Variants in AMBRA1 observed in about 807,000 individuals in gnomAD.
The protein encoded by AMBRA1 is autophagy and beclin 1 regulator 1.
AMBRA1 carries 47 observed loss-of-function variants against 125.4 expected under a neutral mutation model. The observed-to-expected ratio is 0.37, with a 90% CI of 0.30 to 0.48. The LOEUF is 0.48. Ranked by LOEUF, AMBRA1 falls within the 20% of genes least tolerant of loss-of-function variation. The pLI is 0.99. For missense variants in AMBRA1, 1,331 were observed against 1,693.4 expected (o/e 0.79, Z 3.76); for synonymous variants, 626 against 655.5 (o/e 0.95, Z 0.69).
chr11:46,495,452 G>C (rs1950596899), intron 9 of AMBRA1: 1 of 152,198 alleles, frequency 6.6e-6, no homozygotes, highest in African/African-American at 2.4e-5. Flanking sequence ...ATCAATACCA[G>C]GGATATTGGA....
At chr11:46,442,617 G>A (rs1034953656) in intron 12 of AMBRA1, among the ~76,000 whole-genome samples, 1 of 152,112 alleles carries the variant, frequency 6.6e-6, no homozygotes, top group Non-Finnish European at 1.5e-5. Flanking sequence ...GATTCCAATA[G>A]AACAACTGGG....
At chr11:46,429,800 A>G (rs1947364459) in intron 14 of AMBRA1, among the ~76,000 whole-genome samples, 1 of 152,192 alleles carries the variant, frequency 6.6e-6, no homozygotes, top group Admixed American at 6.5e-5. Context: ...GAGGGAACAC[A>G]GGCAGTTTAG....
intron 17 of AMBRA1, among the ~76,000 whole-genome samples, chr11:46,398,536 G>A (rs1945565331): frequency 6.6e-6 from 1 of 152,202 alleles, no homozygotes; most frequent in Non-Finnish European, 1.5e-5. Context: ...CCAGGCTGGA[G>A]TGCAGTGGTG....
chr11:46,495,642 G>A (rs1279915713), intron 9 of AMBRA1: 1 of 152,230 alleles, frequency 6.6e-6, no homozygotes, highest in Non-Finnish European at 1.5e-5. Context: ...GGAATCAGGA[G>A]TTCCTGACCA....
intron 1 of AMBRA1, among the ~76,000 whole-genome samples, chr11:46,578,381 G>C (rs1408809113): frequency 1.3e-5 from 2 of 151,902 alleles, no homozygotes; most frequent in Non-Finnish European, 2.9e-5. Context: ...CAGCTACTTG[G>C]GAGGCTGAGG....
At chr11:46,562,649 T>C (rs926762735) in intron 1 of AMBRA1, among the ~76,000 whole-genome samples, 1 of 152,166 alleles carries the variant, frequency 6.6e-6, no homozygotes, top group African/African-American at 2.4e-5. Context: ...TGTGTTATGT[T>C]TGCGGGTGGG....
At chr11:46,465,093 C>G (rs1409064956) in intron 11 of AMBRA1, among the ~76,000 whole-genome samples, 2 of 151,968 alleles carry the variant, frequency 1.3e-5, no homozygotes, top group Admixed American at 1.3e-4. Context: ...ACAATATTCC[C>G]CAGCCCTAAA....
chr11:46,547,884 C>CAAAA lies in AMBRA1; in HGVS notation c.136-13_136-10dup. ...TCCGGCAGTTCTACTCTCTGGGAGA[C>CAAAA]AAAAAAAAAAAAAAAGTTAAAATAC... On this transcript the variant is annotated splice_polypyrimidine_tract_variant and intron_variant, in intron 2 of 17. Transcript: ENST00000683756. 1 of 1,422,146 alleles carries CAAAA rather than the reference C, an allele frequency of 7.0e-7. No individual in the cohort carries two copies. 88.1% of individuals were successfully genotyped at this position (1,422,146 alleles called of 1,614,324 possible).
At chr11:46,480,156 C>G (rs1380529722) in intron 11 of AMBRA1, among the ~76,000 whole-genome samples, 1 of 152,142 alleles carries the variant, frequency 6.6e-6, no homozygotes, top group Non-Finnish European at 1.5e-5. Context: ...ATGAGGCCCA[C>G]CCAGATAAAT....
intron 9 of AMBRA1, among the ~76,000 whole-genome samples, chr11:46,496,054 C>T (rs1465421355): frequency 6.6e-6 from 1 of 152,022 alleles, no homozygotes; most frequent in Non-Finnish European, 1.5e-5. Flanking sequence ...GCCTGGGCAA[C>T]AAGAGACTCT....
At chr11:46,536,241 C>G (rs1952470436) in intron 7 of AMBRA1, among the ~76,000 whole-genome samples, 1 of 152,118 alleles carries the variant, frequency 6.6e-6, no homozygotes, top group Non-Finnish European at 1.5e-5. Flanking sequence ...TCTAGGTAGA[C>G]AAGGGATATA....
intron 7 of AMBRA1, among the ~76,000 whole-genome samples, chr11:46,514,675 A>G (rs1350370485): frequency 6.6e-6 from 1 of 151,616 alleles, no homozygotes; most frequent in African/African-American, 2.4e-5. Context: ...GAGTCTGGCT[A>G]TGTTGCCCAG....
intron 9 of AMBRA1, among the ~76,000 whole-genome samples, chr11:46,502,523 A>T (rs1360538603): frequency 6.6e-6 from 1 of 152,120 alleles, no homozygotes; most frequent in Non-Finnish European, 1.5e-5. Context: ...GGTACAAGTT[A>T]TATATTTGTT....
intron 12 of AMBRA1, among the ~76,000 whole-genome samples, chr11:46,440,447 G>C (rs1565161035): frequency 6.6e-6 from 1 of 152,112 alleles, no homozygotes; most frequent in African/African-American, 2.4e-5. Flanking sequence ...GCTAACAGTG[G>C]TTACATGTGA....
intron 14 of AMBRA1, chr11:46,428,772 A>G: frequency 4.3e-6 from 7 of 1,611,124 alleles, no homozygotes; most frequent in Non-Finnish European, 5.9e-6. Flanking sequence ...CTCCGTCTGT[A>G]GGTATCTCTG....
At chr11:46,532,258 G>A (rs1952251880) in intron 7 of AMBRA1, among the ~76,000 whole-genome samples, 1 of 152,180 alleles carries the variant, frequency 6.6e-6, no homozygotes, top group Admixed American at 6.6e-5. Context: ...GTCAGAGATA[G>A]AACAGGGCTA....
intron 1 of AMBRA1, among the ~76,000 whole-genome samples, chr11:46,552,037 A>T (rs185048597): frequency 1.9e-3 from 292 of 150,728 alleles, no homozygotes; most frequent in Non-Finnish European, 3.3e-3. Flanking sequence ...CCAAAAAAAA[A>T]TTAACCAATT....
chr11:46,575,231 G>A (rs113291219), intron 1 of AMBRA1, among the ~76,000 whole-genome samples: 1,833 of 152,202 alleles, frequency 0.012, 44 homozygotes, highest in African/African-American at 0.042. Context: ...GCTGAGGCAG[G>A]TGTATCACCT....
chr11:46,552,650 G>C (rs2043042642), intron 1 of AMBRA1, among the ~76,000 whole-genome samples: 1 of 147,514 alleles, frequency 6.8e-6, no homozygotes, highest in Non-Finnish European at 1.5e-5. Flanking sequence ...TTGCACTCCA[G>C]CCTGGGCAAC....
Sources: gnomAD v4.1 joint callset for allele counts (sites outside exome capture counted in the v4.1 genomes callset) on GRCh38, gnomAD v4.1.1 for gene constraint, MANE v1.5 for transcripts, NCBI Gene and HGNC (gene_info 2026-07-23, HGNC 2026-07-21) for gene names.